Variants in RABGAP1L observed in about 807,000 individuals in gnomAD.
RABGAP1L encodes the protein rab GTPase-activating protein 1-like.
A neutral mutation model predicts 137.7 loss-of-function variants in RABGAP1L; 63 were observed. That is an observed-to-expected ratio of 0.46 (90% CI 0.37 to 0.56). The LOEUF is 0.56. Among genes scored for constraint, RABGAP1L ranks in the 20% least tolerant of loss-of-function variants. The probability of loss-of-function intolerance (pLI) is 0.00; values close to 1 mark genes in which losing one functional copy is unlikely to be tolerated. For synonymous variants in RABGAP1L, 431 were observed against 433.7 expected (o/e 0.99, Z 0.08); for missense variants, 1,095 against 1,244.0 (o/e 0.88, Z 1.80).
chr1:174,782,719 G>A (rs1439867712), intron 18 of RABGAP1L, among the ~76,000 whole-genome samples: 2 of 152,266 alleles, frequency 1.3e-5, no homozygotes, highest in East Asian at 1.9e-4. Flanking sequence ...TTCCTAGGCC[G>A]ACTAAGAATT....
intron 19 of RABGAP1L, among the ~76,000 whole-genome samples, chr1:174,876,781 A>AT (rs944537179): frequency 6.6e-5 from 10 of 151,948 alleles, no homozygotes; most frequent in Middle Eastern, 3.4e-3. Flanking sequence ...TAAAATACTT[A>AT]TTTTTTTTAG....
At chr1:174,394,397 G>A (rs1451388216) in intron 13 of RABGAP1L, among the ~76,000 whole-genome samples, 1 of 151,752 alleles carries the variant, frequency 6.6e-6, no homozygotes, top group East Asian at 1.9e-4. Flanking sequence ...TTACCAAATT[G>A]GAATATATTT....
At chr1:174,792,034 A>G (rs1360415773) in intron 18 of RABGAP1L, among the ~76,000 whole-genome samples, 2 of 152,188 alleles carry the variant, frequency 1.3e-5, no homozygotes, top group South Asian at 4.1e-4. Context: ...TCTTTATGGG[A>G]TACATTACTT....
chr1:174,617,907 G>A (rs755418765), intron 13 of RABGAP1L, among the ~76,000 whole-genome samples: 1 of 151,940 alleles, frequency 6.6e-6, no homozygotes, highest in Non-Finnish European at 1.5e-5. Context: ...AGAAAGGGGT[G>A]ACATATGGCA....
chr1:174,432,421 C>T (rs757936494), intron 13 of RABGAP1L, among the ~76,000 whole-genome samples: 1 of 152,108 alleles, frequency 6.6e-6, no homozygotes, highest in Non-Finnish European at 1.5e-5. Context: ...ATGTAAGATC[C>T]ACGTACCTTA....
chr1:174,441,358 T>C (rs1654122789), intron 13 of RABGAP1L, among the ~76,000 whole-genome samples: 1 of 152,192 alleles, frequency 6.6e-6, no homozygotes, highest in Non-Finnish European at 1.5e-5. Flanking sequence ...TAGTACTCTT[T>C]TGTCAGTAAG....
chr1:174,242,103 C>T (rs933469646), intron 5 of RABGAP1L, among the ~76,000 whole-genome samples: 4 of 152,264 alleles, frequency 2.6e-5, no homozygotes, highest in Middle Eastern at 3.4e-3. Context: ...CTGTGGTTTT[C>T]ATTGATGATT....
chr1:174,375,194 GA>G (rs892296306), intron 12 of RABGAP1L, among the ~76,000 whole-genome samples: 8 of 151,692 alleles, frequency 5.3e-5, no homozygotes, highest in African/African-American at 1.9e-4. Context: ...ATTTAATATA[GA>G]AAAAATATTA....
At chr1:174,182,225 G>A (rs1666430410) in intron 1 of RABGAP1L, among the ~76,000 whole-genome samples, 2 of 152,120 alleles carry the variant, frequency 1.3e-5, no homozygotes, top group African/African-American at 4.8e-5. Flanking sequence ...AAGAAACTGA[G>A]GAGATTCGGG....
chr1:174,313,881 A>G (rs1260918399), intron 11 of RABGAP1L, among the ~76,000 whole-genome samples: 2 of 152,096 alleles, frequency 1.3e-5, no homozygotes, highest in South Asian at 2.1e-4. Flanking sequence ...TGATCTTTCT[A>G]TAATGTATTG....
chr1:174,798,684 T>C (rs1688465758), intron 18 of RABGAP1L, among the ~76,000 whole-genome samples: 2 of 152,226 alleles, frequency 1.3e-5, no homozygotes. Flanking sequence ...TTTGTAGATA[T>C]GTAACTCTTA....
At chr1:174,513,194 A>G (rs1023877050) in intron 13 of RABGAP1L, among the ~76,000 whole-genome samples, 1 of 152,196 alleles carries the variant, frequency 6.6e-6, no homozygotes, top group Non-Finnish European at 1.5e-5. Flanking sequence ...TGCTTTTAAA[A>G]TGTTGATTCT....
At chr1:174,400,845 G>A (rs756176302) in intron 13 of RABGAP1L, among the ~76,000 whole-genome samples, 5 of 152,012 alleles carry the variant, frequency 3.3e-5, no homozygotes, top group Non-Finnish European at 2.9e-5. Flanking sequence ...CAGTAATATT[G>A]AACATAGAAT....
chr1:174,351,099 A>AGGGGGAGGGGGT (rs1362361153), intron 11 of RABGAP1L, among the ~76,000 whole-genome samples: 2 of 57,840 alleles, frequency 3.5e-5, no homozygotes, highest in Non-Finnish European at 7.4e-5. Flanking sequence ...GGGGAGGGGG[A>AGGGGGAGGGGGT]GGGGTTGTTT....
intron 7 of RABGAP1L, among the ~76,000 whole-genome samples, chr1:174,262,055 T>G (rs1673621298): frequency 6.6e-6 from 1 of 152,254 alleles, no homozygotes; most frequent in Non-Finnish European, 1.5e-5. Flanking sequence ...AACTCTCTTT[T>G]TCCATAGGAA....
chr1:174,955,365 A>G (rs1337881352), intron 19 of RABGAP1L, among the ~76,000 whole-genome samples: 1 of 152,220 alleles, frequency 6.6e-6, no homozygotes, highest in East Asian at 1.9e-4. Context: ...GAAGCAGATA[A>G]TTCTAGTACT....
intron 19 of RABGAP1L, among the ~76,000 whole-genome samples, chr1:174,855,139 A>G (rs1649085732): frequency 6.6e-6 from 1 of 152,144 alleles, no homozygotes; most frequent in Non-Finnish European, 1.5e-5. Flanking sequence ...ATTACATAAA[A>G]TCAGGAACCT....
intron 1 of RABGAP1L, among the ~76,000 whole-genome samples, chr1:174,196,476 G>A (rs575335620): frequency 3.3e-5 from 5 of 151,760 alleles, no homozygotes; most frequent in Admixed American, 1.3e-4. Context: ...CACCCGCCTC[G>A]GCCTCCCGAA....
chr1:174,704,120 C>T (rs1679876830), intron 17 of RABGAP1L, among the ~76,000 whole-genome samples: 1 of 152,172 alleles, frequency 6.6e-6, no homozygotes, highest in Non-Finnish European at 1.5e-5. Flanking sequence ...GCCTCGGCCT[C>T]CCAGGTAGCT....
Sources: allele counts gnomAD v4.1 joint callset (sites outside exome capture counted in the v4.1 genomes callset), GRCh38; gene constraint gnomAD v4.1.1; transcripts MANE v1.5; gene names NCBI Gene and HGNC (gene_info 2026-07-23, HGNC 2026-07-21).